Variants in COL6A1 observed in about 807,000 individuals in gnomAD.
The protein encoded by COL6A1 is collagen type VI alpha 1 chain.
Under a neutral mutation model 145.6 loss-of-function variants are expected in COL6A1, and 80 were observed. The ratio of observed to expected loss-of-function variants is 0.55; its 90% CI spans 0.46 to 0.66. The LOEUF (loss-of-function observed/expected upper bound fraction) is 0.66. COL6A1 is among the 30% of genes least tolerant of loss of function. The probability of loss-of-function intolerance (pLI) is 0.00; values close to 1 mark genes in which losing one functional copy is unlikely to be tolerated. For synonymous variants in COL6A1, 638 were observed against 622.8 expected (o/e 1.02, Z -0.36); for missense variants, 1,364 against 1,473.8 (o/e 0.93, Z 1.22).
chr21:45,982,710 C>T lies in COL6A1; in HGVS notation c.174C>T (p.Leu58=). The part of the protein sequence containing the change: ...VALRLKPYGA[L]VDKVKSFTKR... ...TGAGGCTGAAGCCCTACGGGGCCCTCGTGGACAAAGTCAAGTCCTTCACCA... is the reference window on the plus strand; with the variant it reads ...TGAGGCTGAAGCCCTACGGGGCCCTTGTGGACAAAGTCAAGTCCTTCACCA... Residue 58 remains leucine, a synonymous_variant, in exon 2 of 35, where the codon CTC becomes CTT. Transcript: ENST00000361866. 1 of 1,612,810 alleles carries T rather than the reference C, an allele frequency of 6.2e-7. No homozygotes were observed. Among genetic ancestry groups the T allele is most frequent in the Non-Finnish European group, 8.5e-7 (1 of 1,179,976 alleles).
intron 32 of COL6A1, 46 bp downstream of exon 32, chr21:46,002,447 C>T (rs760253113): frequency 1.5e-5 from 24 of 1,612,888 alleles, no homozygotes; most frequent in Admixed American, 1.3e-4. Flanking sequence ...CTAGGGCGCC[C>T]CGCCAGCCAG....
At chr21:45,999,524 G>A in intron 26 of COL6A1, 133 bp from the exon 27 acceptor site, 6 of 997,286 alleles carry the variant, frequency 6.0e-6, no homozygotes, top group Non-Finnish European at 7.7e-6. Context: ...GGAGGACGAG[G>A]GGCTGGGTAG....
At position 45,991,768 on chromosome 21, in the gene COL6A1, A is replaced by G. The variant is rs534713793; in HGVS notation, c.1120-242A>G. ...CTGTGCCTTCTCTAATGGGAACCAA[A>G]TCCTGCCCCTTAGACAAGATGGCCC... On this transcript the variant is annotated intron_variant, in intron 15 of 34. Coordinates refer to ENST00000361866, the MANE Select transcript of COL6A1 (RefSeq NM_001848.3). Among the ~76,000 whole-genome samples, 82 of 152,310 alleles carry G rather than the reference A, an allele frequency of 5.4e-4. No homozygotes were observed. The South Asian group carries it at 0.016, about 30-fold the overall frequency.
intron 1 of COL6A1, 126 bp downstream of exon 1, chr21:45,982,073 C>A (rs919716704): frequency 9.7e-5 from 79 of 816,800 alleles, no homozygotes; most frequent in Non-Finnish European, 1.4e-5. Context: ...CTGAACCCCA[C>A]TCCCCGCTCG....
intron 2 of COL6A1, among the ~76,000 whole-genome samples, chr21:45,983,711 G>C (rs2077721573): frequency 1.3e-5 from 2 of 152,128 alleles, no homozygotes; most frequent in Admixed American, 1.3e-4. Flanking sequence ...GCGTGGCCCA[G>C]CGTCCCCCGA....
chr21:45,986,560 G>T lies in COL6A1; in HGVS notation c.463G>T (p.Val155Leu). 5 of 1,566,282 alleles carry T rather than the reference G, an allele frequency of 3.2e-6. No individual in the cohort carries two copies. The highest frequency in any genetic ancestry group is 4.3e-6 in the Non-Finnish European group (5 of 1,155,554). The change falls in exon 4 of 35, where the codon GTG becomes TTG. Residue 155 changes from valine (V) to leucine (L), a missense_variant. This residue lies in a region of COL6A1 where 414 missense variants were observed against 437.6 expected (regional missense o/e 0.95). Transcript: ENST00000361866. The part of the protein sequence containing the change: ...SHLKENKYLI[V>L]VTDGHPLEGY... ...CCTGAAGGAGAATAAGTACCTGATT[G>T]TGGTGACCGACGGGCACCCCCTGGA...
rs61751027 is a variant in COL6A1 at position 45,986,676 on chromosome 21, C to G, written c.579C>G (p.Pro193=). The change falls in exon 4 of 35, where the codon CCC becomes CCG. Residue 193 remains proline (P), a synonymous_variant. Coordinates refer to ENST00000361866, the MANE Select transcript of COL6A1 (RefSeq NM_001848.3). ...GVKVFSVAIT[P]DHLEPRLSII... ...AAGTCTTCTCGGTGGCCATCACACC[C>G]GACCACCTGGTAGGCACCGGCCCCC... is the stretch of plus-strand genomic sequence containing the variant. 1.3e-6 allele frequency: 2 copies of G among 1,547,206 alleles called. No individual in the cohort carries two copies. The highest frequency in any genetic ancestry group is 2.0e-5 in the Admixed American group (1 of 51,068).
At position 45,984,342 on chromosome 21, in the gene COL6A1, C is replaced by G. The variant is rs757583496; in HGVS notation, c.301C>G (p.Gln101Glu). 1.2e-5 allele frequency: 20 copies of G among 1,612,370 alleles called. No homozygotes were observed. The South Asian group carries it at 1.8e-4, about 14-fold the overall frequency. Residue 101 changes from glutamine to glutamate, a missense_variant, in exon 3 of 35, where the codon CAA becomes GAA. Around this residue, in one of 3 missense-constraint regions of COL6A1, gnomAD observed 414 missense variants for 437.6 expected, o/e 0.95. Coordinates refer to ENST00000361866, the MANE Select transcript of COL6A1 (RefSeq NM_001848.3). The part of the protein sequence containing the change: ...LHYSDEVEII[Q>E]GLTRMPGGRD... ...CTACAGTGACGAGGTGGAGATCATC[C>G]AAGGCCTCACGCGCATGCCTGGCGG...
chr21:46,002,958 C>T (rs558672269), intron 33 of COL6A1, among the ~76,000 whole-genome samples, 162 bp from the exon 34 acceptor site: 1 of 151,158 alleles, frequency 6.6e-6, no homozygotes, highest in African/African-American at 2.4e-5. Flanking sequence ...TAGGTGCGCA[C>T]GGGGCCGCCT....
intron 26 of COL6A1, 130 bp from the exon 27 acceptor site, chr21:45,999,527 C>T (rs2077826015): frequency 1.0e-6 from 1 of 960,016 alleles, no homozygotes; most frequent in South Asian, 1.4e-5. Context: ...GGACGAGGGG[C>T]TGGGTAGGGA....
intron 3 of COL6A1, among the ~76,000 whole-genome samples, chr21:45,985,949 A>C (rs1378764484): frequency 1.3e-5 from 2 of 152,198 alleles, no homozygotes; most frequent in East Asian, 1.9e-4. Flanking sequence ...AGCCACAGAC[A>C]GACACGACTC....
At position 45,994,209 on chromosome 21, in the gene COL6A1, G is replaced by A. The variant is rs375452881; in HGVS notation, c.1378G>A (p.Val460Ile). ...GGGTGATCAGGGAAGAGAAGGCCCC[G>A]TTGGTGTCCCTGGAGACCCGGTAGG... ...PQGDQGREGP[V>I]GVPGDPGEAG... is the part of the protein sequence containing the mutation. Residue 460 changes from valine (V) to isoleucine (I), a missense_variant, in exon 20 of 35, where the codon GTT becomes ATT. By Grantham distance (29) the Val-to-Ile change is conservative. Coordinates refer to ENST00000361866, the MANE Select transcript of COL6A1 (RefSeq NM_001848.3). This position sits in a 1 kb window ranked among gnomAD's most constrained non-coding sequence, Gnocchi z 6.8. The A allele has an allele frequency of 5.1e-5, 82 of 1,609,644 alleles. No homozygotes were observed. The African/African-American group carries it at 6.8e-4, about 13-fold the overall frequency.
chr21:45,992,309 C>T (rs1454623172), intron 17 of COL6A1, 54 bp from the exon 18 acceptor site: 63 of 1,613,498 alleles, frequency 3.9e-5, no homozygotes, highest in Non-Finnish European at 5.2e-5. Context: ...TCCCTGAGAC[C>T]AAATGCAGTG....
rs762499313 is a variant in COL6A1 at position 46,002,642 on chromosome 21, T to C, written c.2366T>C (p.Val789Ala). The stretch of plus-strand genomic sequence containing the variant: ...CAGGGCCGGCCCGGCCTCTCGCTGG[T>C]CAAGGAGAACTATGCAGAGCTGCTG... The part of the protein sequence containing the change: ...PSQGRPGLSL[V>A]KENYAELLED... The change falls in exon 33 of 35, where the codon GTC (valine) becomes GCC (alanine). Residue 789 changes from valine to alanine, a missense_variant. By Grantham distance (64) the Val-to-Ala change is moderately conservative. Coordinates refer to ENST00000361866, the MANE Select transcript of COL6A1 (RefSeq NM_001848.3). The C allele has an allele frequency of 1.9e-6, 3 of 1,613,990 alleles. No homozygotes were observed. In the Admixed American group the frequency reaches 5.0e-5, roughly 27 times the overall value.
At chr21:45,997,119 G>T (rs1233078881) in intron 20 of COL6A1, among the ~76,000 whole-genome samples, 1 of 149,962 alleles carries the variant, frequency 6.7e-6, no homozygotes, top group African/African-American at 2.5e-5. Flanking sequence ...CCCTTCCGTG[G>T]GGGCCTGAGG....
intron 22 of COL6A1, 110 bp downstream of exon 22, chr21:45,997,872 G>A (rs950753238): frequency 1.7e-5 from 22 of 1,275,256 alleles, no homozygotes; most frequent in Non-Finnish European, 2.4e-5. Context: ...CGGGCCGGGA[G>A]TGCCCGCAGC....
chr21:45,998,581 C>A, intron 24 of COL6A1, 148 bp downstream of exon 24: 2 of 1,133,666 alleles, frequency 1.8e-6, no homozygotes, highest in South Asian at 1.4e-5. Flanking sequence ...CTGTCTGTGG[C>A]CACAGCCCCA....
rs568443753 is a variant in COL6A1, at chr21:46,004,337, C to T, written c.*324C>T. ...CTGGGGCTCAGCCCTGAGCTGGCCT[C>T]ACCTGGGTTCCCCACCCCGGGCTCT... On this transcript the variant is annotated 3_prime_UTR_variant, in exon 35 of 35. Transcript: ENST00000361866. 2.0e-5 allele frequency: 9 copies of T among 445,876 alleles called. No individual in the cohort carries two copies. In the East Asian group the frequency reaches 3.9e-4, roughly 19 times the overall value. The allele number at this position is 445,876 out of a possible 1,614,324, so 27.6% of individuals were successfully genotyped here. A position where few individuals can be genotyped will look rare whatever the true frequency, so the allele number is the denominator to read the frequency against.
Position 45,984,380 on chromosome 21 carries a change from C to A in COL6A1, c.339C>A (p.Leu113=). ...LTRMPGGRDA[L]KSSVDAVKYF... is the part of the protein sequence containing the mutation. ...GCATGCCTGGCGGCCGCGACGCACT[C>A]AAAAGCAGCGTGGACGCGGTCAAGT... Residue 113 remains leucine (L), a synonymous_variant, in exon 3 of 35, where the codon CTC becomes CTA. Transcript: ENST00000361866. 1.2e-6 allele frequency: 2 copies of A among 1,612,752 alleles called. No individual in the cohort carries two copies. Among genetic ancestry groups the A allele is most frequent in the Non-Finnish European group, 1.7e-6 (2 of 1,179,948 alleles).
Sources: allele counts gnomAD v4.1 joint callset (sites outside exome capture counted in the v4.1 genomes callset), GRCh38; gene constraint gnomAD v4.1.1; regional missense constraint gnomAD v4.1.1; non-coding constraint Gnocchi (gnomAD v3.1); transcripts MANE v1.5; gene names NCBI Gene and HGNC (gene_info 2026-07-23, HGNC 2026-07-21).